The following OR52N4 variants were observed in gnomAD, a reference collection of about 807,000 sequenced individuals.
OR52N4 encodes olfactory receptor family 52 subfamily N member 4.
A neutral mutation model predicts 15.0 loss-of-function variants in OR52N4; 15 were observed. The observed-to-expected ratio is 1.00, with a 90% confidence interval of 0.67 to 1.54. The LOEUF is 1.54. OR52N4 is among the 40% of genes most tolerant of loss of function. The probability of loss-of-function intolerance (pLI) is 0.00; values close to 1 mark genes in which losing one functional copy is unlikely to be tolerated. For missense variants in OR52N4, 421 were observed against 394.0 expected (o/e 1.07, Z -0.58); for synonymous variants, 143 against 143.7 (o/e 1.00, Z 0.03).
rs1429366264 is a variant in OR52N4, at chr11:5,755,760, C to G, written c.*54C>G. On this transcript the variant is annotated 3_prime_UTR_variant, in exon 2 of 2. Coordinates refer to ENST00000641350, the MANE Select transcript of OR52N4 (RefSeq NM_001005175.5). ...AGGAAAGAATTACTTCTATTTGCCT[C>G]TTATGCAGGAGTTCATAAAATCTTT... The G allele has an allele frequency of 1.9e-6, 3 of 1,561,008 alleles. No homozygotes were observed. The highest frequency in any genetic ancestry group is 2.6e-6 in the Non-Finnish European group (3 of 1,156,150).
chr11:5,752,162 T>C (rs1854204865), upstream of OR52N4, among the ~76,000 whole-genome samples: 1 of 152,180 alleles, frequency 6.6e-6, no homozygotes, highest in African/African-American at 2.4e-5. Flanking sequence ...TGGAAGCATC[T>C]GTCCTCTTCT....
chr11:5,742,113 G>A, the OR52N4 span, among the ~76,000 whole-genome samples: 2 of 150,740 alleles, frequency 1.3e-5, no homozygotes, highest in African/African-American at 2.4e-5. Flanking sequence ...AAACAAGAAC[G>A]AAAGAGAGAG....
chr11:5,737,477 G>T, the OR52N4 span: 1 of 1,610,284 alleles, frequency 6.2e-7, no homozygotes, highest in Admixed American at 1.7e-5. Context: ...CCTTACAAAA[G>T]AAATAAGATC....
At chr11:5,747,206 A>G in the OR52N4 span, among the ~76,000 whole-genome samples, 1 of 152,054 alleles carries the variant, frequency 6.6e-6, no homozygotes. Context: ...AGGTAACAAA[A>G]TTAGTTCCAG....
chr11:5,749,191 C>A, the OR52N4 span, among the ~76,000 whole-genome samples: 1 of 151,838 alleles, frequency 6.6e-6, no homozygotes, highest in Non-Finnish European at 1.5e-5. Context: ...GTTTACAGAT[C>A]ACTGTTCTGC....
upstream of OR52N4, among the ~76,000 whole-genome samples, chr11:5,750,578 T>C (rs1433549336): frequency 1.3e-5 from 2 of 151,996 alleles, no homozygotes; most frequent in Non-Finnish European, 2.9e-5. Flanking sequence ...ATTGAAAAAG[T>C]AGTTTTATAA....
At chr11:5,739,101 A>C in the OR52N4 span, among the ~76,000 whole-genome samples, 2 of 127,606 alleles carry the variant, frequency 1.6e-5, 1 homozygote, top group Non-Finnish European at 3.5e-5. Context: ...TTTTCATTTA[A>C]AAATTAATGA....
chr11:5,727,680 G>A, the OR52N4 span, among the ~76,000 whole-genome samples: 35 of 152,134 alleles, frequency 2.3e-4, no homozygotes, highest in African/African-American at 7.7e-4. Flanking sequence ...CCTGGGTAAC[G>A]TGCAGATATT....
chr11:5,742,123 GAA>G, the OR52N4 span, among the ~76,000 whole-genome samples: 1 of 150,490 alleles, frequency 6.6e-6, no homozygotes, highest in Non-Finnish European at 1.5e-5. Flanking sequence ...GAAAGAGAGA[GAA>G]AGAAAGAAAA....
At chr11:5,744,922 A>AAAAC in the OR52N4 span, among the ~76,000 whole-genome samples, 3 of 152,200 alleles carry the variant, frequency 2.0e-5, no homozygotes, top group African/African-American at 7.2e-5. Context: ...CTCCATCTCA[A>AAAAC]AAACAAACAA....
the OR52N4 span, chr11:5,736,978 C>A: frequency 6.2e-7 from 1 of 1,614,098 alleles, no homozygotes; most frequent in Non-Finnish European, 8.5e-7. Flanking sequence ...TAAAAGCTAC[C>A]CTGTTCATGG....
the OR52N4 span, chr11:5,736,409 A>G: frequency 1.1e-6 from 1 of 898,938 alleles, no homozygotes; most frequent in Non-Finnish European, 1.7e-6. Flanking sequence ...TAATTTCTAA[A>G]GAGATGAAGA....
At chr11:5,738,338 A>T in the OR52N4 span, 1 of 152,222 alleles carries the variant, frequency 6.6e-6, no homozygotes, top group South Asian at 2.1e-4. Context: ...CACCTGCTAC[A>T]GCTACAGCTT....
the OR52N4 span, among the ~76,000 whole-genome samples, chr11:5,742,445 A>T: frequency 6.6e-6 from 1 of 152,182 alleles, no homozygotes; most frequent in East Asian, 1.9e-4. Context: ...AGCCAATATG[A>T]AGGAAAAGAT....
At chr11:5,737,542 T>C in the OR52N4 span, 1 of 1,517,302 alleles carries the variant, frequency 6.6e-7, no homozygotes. Context: ...AACTGGATAG[T>C]AAAATTTCAA....
At chr11:5,729,114 A>ATTTTTTTTTTT in the OR52N4 span, among the ~76,000 whole-genome samples, 6 of 82,916 alleles carry the variant, frequency 7.2e-5, no homozygotes, top group Non-Finnish European at 1.1e-4. Flanking sequence ...TTAAATTGAG[A>ATTTTTTTTTTT]TTTTTTTTTT....
the OR52N4 span, chr11:5,737,512 A>C: frequency 6.3e-7 from 1 of 1,585,946 alleles, no homozygotes; most frequent in Non-Finnish European, 8.6e-7. Context: ...CATGATGTAC[A>C]TGAACCTCAG....
the OR52N4 span, chr11:5,736,455 G>A: frequency 3.8e-5 from 53 of 1,413,040 alleles, no homozygotes; most frequent in African/African-American, 6.0e-4. Context: ...TATTTCTGTG[G>A]TGGTTCCAAC....
At chr11:5,752,300 T>C (rs1481776426), upstream of OR52N4, among the ~76,000 whole-genome samples, 6 of 152,338 alleles carry the variant, frequency 3.9e-5, no homozygotes, top group East Asian at 1.2e-3. Context: ...GTTTAACCTG[T>C]GTTTTTCTAC....
Sources: gnomAD v4.1 joint callset for allele counts (sites outside exome capture counted in the v4.1 genomes callset) on GRCh38, gnomAD v4.1.1 for gene constraint, MANE v1.5 for transcripts, NCBI Gene and HGNC (gene_info 2026-07-23, HGNC 2026-07-21) for gene names.